RUSF1: variants seen among roughly 807,000 people sequenced by gnomAD.
RUSF1 encodes RUS family member 1, also known as RUS1 family protein C16orf58.
A neutral mutation model predicts 63.0 loss-of-function variants in RUSF1; 58 were observed. The ratio of observed to expected loss-of-function variants is 0.92; its 90% CI spans 0.75 to 1.15. The LOEUF (loss-of-function observed/expected upper bound fraction) is 1.15, where lower values mean the gene tolerates loss of function less well. Among genes scored for constraint, RUSF1 ranks in the 50% most tolerant of loss-of-function variants. The probability of loss-of-function intolerance (pLI) is 0.00; values close to 1 mark genes in which losing one functional copy is unlikely to be tolerated. For synonymous variants in RUSF1, 274 were observed against 255.8 expected (o/e 1.07, Z -0.68); for missense variants, 652 against 611.0 (o/e 1.07, Z -0.71).
At chr16:31,505,881 A>G (rs2082656253) in intron 2 of RUSF1, among the ~76,000 whole-genome samples, 1 of 152,160 alleles carries the variant, frequency 6.6e-6, no homozygotes, top group Non-Finnish European at 1.5e-5. Flanking sequence ...GGTGTCCAGT[A>G]ACCTTTTCAC....
intron 2 of RUSF1, among the ~76,000 whole-genome samples, chr16:31,506,330 C>A (rs998698968): frequency 2.6e-5 from 4 of 152,198 alleles, no homozygotes; most frequent in African/African-American, 9.7e-5. Context: ...TCATTATATA[C>A]ATGAAGATAT....
chr16:31,500,597 C>A, intron 3 of RUSF1, 89 bp downstream of exon 3: 1 of 1,475,382 alleles, frequency 6.8e-7, no homozygotes, highest in South Asian at 1.3e-5. Context: ...GGAACCCTTA[C>A]AGCCACAATT....
At position 31,489,880 on chromosome 16, in the gene RUSF1, A is replaced by G; in HGVS notation, c.*955T>C. The G allele has an allele frequency of 1.7e-6, 1 of 582,018 alleles. No homozygotes were observed. The highest frequency in any genetic ancestry group is 1.8e-5 in the South Asian group (1 of 54,578). The allele number at this position is 582,018 out of a possible 1,614,324, so 36.1% of individuals were successfully genotyped here. A position where few individuals can be genotyped will look rare whatever the true frequency, so the allele number is the denominator to read the frequency against. ...AGACCTGAGCTGACAAAGCTGGGGG[A>G]GCAAGGCCAACGGCTTTAAACACAA... On this transcript the variant is annotated 3_prime_UTR_variant, in exon 13 of 13. Coordinates refer to ENST00000327237, the MANE Select transcript of RUSF1 (RefSeq NM_022744.4).
chr16:31,507,632 C>A, intron 2 of RUSF1, 132 bp downstream of exon 2: 1 of 797,140 alleles, frequency 1.3e-6, no homozygotes, highest in Non-Finnish European at 2.0e-6. Flanking sequence ...TACAAAGCAC[C>A]ACTCTAATCA....
chr16:31,497,531 C>G (rs1430622349), intron 5 of RUSF1, among the ~76,000 whole-genome samples: 1 of 152,188 alleles, frequency 6.6e-6, no homozygotes, highest in Non-Finnish European at 1.5e-5. Context: ...CAGACAGAGT[C>G]TCCCTGTGTT....
intron 2 of RUSF1, 26 bp downstream of exon 2, chr16:31,507,738 C>G (rs1217597822): frequency 6.5e-7 from 1 of 1,548,104 alleles, no homozygotes; most frequent in South Asian, 1.2e-5. Context: ...AGCAGCAATA[C>G]GTGAGGCTCC....
Position 31,490,080 on chromosome 16 carries a change from C to A in RUSF1, c.*755G>T, listed in dbSNP as rs766818678. 42 of 1,612,696 alleles carry A rather than the reference C, an allele frequency of 2.6e-5. No individual in the cohort carries two copies. Among genetic ancestry groups the A allele is most frequent in the Non-Finnish European group, 3.5e-5 (41 of 1,179,920 alleles). ...GCATGGGGGGACAGAACTCCCACCTCGTTCGTGCTCCCACCCTCCCCAGCT... is the reference window on the plus strand; with the variant it reads ...GCATGGGGGGACAGAACTCCCACCTAGTTCGTGCTCCCACCCTCCCCAGCT... On this transcript the variant is annotated 3_prime_UTR_variant, in exon 13 of 13. Coordinates refer to ENST00000327237, the MANE Select transcript of RUSF1 (RefSeq NM_022744.4).
chr16:31,507,637 T>G, intron 2 of RUSF1, 127 bp downstream of exon 2: 1 of 851,672 alleles, frequency 1.2e-6, no homozygotes, highest in East Asian at 2.7e-5. Flanking sequence ...AGCACCACTC[T>G]AATCACTGGG....
intron 2 of RUSF1, among the ~76,000 whole-genome samples, chr16:31,506,775 TGA>T: frequency 6.6e-6 from 1 of 151,686 alleles, no homozygotes; most frequent in Middle Eastern, 3.4e-3. Flanking sequence ...TGGGTGACAG[TGA>T]GACTACGAGT....
chr16:31,494,604 G>GT (rs2082592738), intron 6 of RUSF1, among the ~76,000 whole-genome samples: 1 of 152,046 alleles, frequency 6.6e-6, no homozygotes, highest in Non-Finnish European at 1.5e-5. Context: ...ATACATATGT[G>GT]TATCAGTTGC....
rs2082558567 is a variant in RUSF1, at chr16:31,490,641, C to T, written c.*194G>A. On this transcript the variant is annotated 3_prime_UTR_variant, in exon 13 of 13. Coordinates refer to ENST00000327237, the MANE Select transcript of RUSF1 (RefSeq NM_022744.4). ...GAAGGGGCAGTGGGGTGAGAAGGTC[C>T]TGGCTCCCCTTCTCCCGGCCTTCCT... is the stretch of plus-strand genomic sequence containing the variant. 1.8e-6 allele frequency: 2 copies of T among 1,135,308 alleles called. No individual in the cohort carries two copies. Among genetic ancestry groups the T allele is most frequent in the African/African-American group, 1.5e-5 (1 of 65,472 alleles). The allele number at this position is 1,135,308 out of a possible 1,614,324, so 70.3% of individuals were successfully genotyped here. A position where few individuals can be genotyped will look rare whatever the true frequency, so the allele number is the denominator to read the frequency against.
chr16:31,503,329 T>G (rs1391556088), intron 2 of RUSF1, among the ~76,000 whole-genome samples: 1 of 152,224 alleles, frequency 6.6e-6, no homozygotes, highest in Non-Finnish European at 1.5e-5. Context: ...ACAAGTTACT[T>G]AAACACACTT....
intron 2 of RUSF1, 126 bp from the exon 3 acceptor site, chr16:31,500,857 G>A: frequency 1.0e-6 from 1 of 978,520 alleles, no homozygotes; most frequent in East Asian, 2.6e-5. Context: ...TCTGGTACTA[G>A]AAGTTGTGGA....
At chr16:31,494,006 T>G in intron 6 of RUSF1, 70 bp from the exon 7 acceptor site, 2 of 1,511,922 alleles carry the variant, frequency 1.3e-6, no homozygotes, top group African/African-American at 2.7e-5. Flanking sequence ...CCGAGTGCCT[T>G]TCACCTCATC....
At chr16:31,500,799 T>C in intron 2 of RUSF1, 68 bp from the exon 3 acceptor site, 1 of 1,534,216 alleles carries the variant, frequency 6.5e-7, no homozygotes, top group East Asian at 2.3e-5. Flanking sequence ...TGGCAGACCC[T>C]GGCACTGAAC....
intron 2 of RUSF1, among the ~76,000 whole-genome samples, chr16:31,502,091 G>C (rs1015367654): frequency 1.3e-5 from 2 of 152,192 alleles, no homozygotes; most frequent in African/African-American, 4.8e-5. Context: ...AAATATTTTA[G>C]AACGAGACAC....
chr16:31,493,824 G>A (rs1255516505), intron 7 of RUSF1, 37 bp from the exon 8 acceptor site: 1 of 1,614,150 alleles, frequency 6.2e-7, no homozygotes, highest in Admixed American at 1.7e-5. Context: ...AGTGGGCAGA[G>A]GCCCAGCTGG....
At chr16:31,493,387 G>C (rs1448685431) in intron 9 of RUSF1, 80 bp downstream of exon 9, 17 of 1,504,906 alleles carry the variant, frequency 1.1e-5, no homozygotes, top group Non-Finnish European at 1.5e-5. Context: ...GTGGGGCCTT[G>C]CCAGGGAGGC....
At chr16:31,504,615 G>C (rs992174078) in intron 2 of RUSF1, among the ~76,000 whole-genome samples, 17 of 152,144 alleles carry the variant, frequency 1.1e-4, no homozygotes, top group Non-Finnish European at 2.4e-4. Context: ...AATCTGAAAT[G>C]CTCCAAAACC....
Sources: gnomAD v4.1 joint callset for allele counts (sites outside exome capture counted in the v4.1 genomes callset) on GRCh38, gnomAD v4.1.1 for gene constraint, MANE v1.5 for transcripts, NCBI Gene and HGNC (gene_info 2026-07-23, HGNC 2026-07-21) for gene names.